Variants in TANC2 observed in about 807,000 individuals in gnomAD.
TANC2 encodes the protein tetratricopeptide repeat, ankyrin repeat and coiled-coil containing 2.
TANC2 carries 26 observed loss-of-function variants against 210.5 expected under a neutral mutation model. The ratio of observed to expected loss-of-function variants is 0.12; its 90% confidence interval spans 0.09 to 0.17. The LOEUF is 0.17. TANC2 is among the 10% of genes least tolerant of loss of function. The pLI is 1.00. For missense variants in TANC2, 2,129 were observed against 2,608.9 expected (o/e 0.82, Z 4.01); for synonymous variants, 931 against 967.1 (o/e 0.96, Z 0.69).
chr17:63,298,345 A>G (rs1598801253), intron 9 of TANC2, among the ~76,000 whole-genome samples: 1 of 152,212 alleles, frequency 6.6e-6, no homozygotes, highest in South Asian at 2.1e-4. Flanking sequence ...GTATATATGT[A>G]CAATGTATAT....
intron 5 of TANC2, among the ~76,000 whole-genome samples, chr17:63,187,131 C>T (rs1308629444): frequency 6.6e-6 from 1 of 152,082 alleles, no homozygotes; most frequent in Non-Finnish European, 1.5e-5. Context: ...GAGTTTTGAG[C>T]AAATTCAGTG....
intron 14 of TANC2, among the ~76,000 whole-genome samples, chr17:63,371,164 A>G (rs1840582648): frequency 6.6e-6 from 1 of 152,010 alleles, no homozygotes; most frequent in Admixed American, 6.6e-5. Context: ...TGACCCTCAC[A>G]CAGAATATCA....
chr17:63,143,957 A>T (rs1480009467), intron 4 of TANC2, among the ~76,000 whole-genome samples: 3 of 152,148 alleles, frequency 2.0e-5, no homozygotes, highest in Non-Finnish European at 4.4e-5. Context: ...GTTTGAAACC[A>T]GCCTGAACAA....
chr17:63,211,640 A>ATCTG (rs1037682708), intron 7 of TANC2, among the ~76,000 whole-genome samples: 1 of 152,114 alleles, frequency 6.6e-6, no homozygotes, highest in Non-Finnish European at 1.5e-5. Context: ...ACCTGTGCCT[A>ATCTG]TCTGTATTAT....
intron 1 of TANC2, among the ~76,000 whole-genome samples, chr17:62,997,376 A>AGT (rs957492989): frequency 5.3e-5 from 8 of 152,120 alleles, no homozygotes; most frequent in African/African-American, 1.4e-4. Flanking sequence ...TAAATGCATT[A>AGT]GTGTGTGTGT....
At chr17:63,019,826 T>C (rs1396884829) in intron 2 of TANC2, among the ~76,000 whole-genome samples, 1 of 152,114 alleles carries the variant, frequency 6.6e-6, no homozygotes, top group African/African-American at 2.4e-5. Context: ...GATGTATGTG[T>C]GTGTGTGTGT....
chr17:63,206,722 A>T (rs2041724047), intron 7 of TANC2, among the ~76,000 whole-genome samples: 1 of 152,126 alleles, frequency 6.6e-6, no homozygotes, highest in African/African-American at 2.4e-5. Context: ...AGTTGGTGGG[A>T]TGTGGAAATA....
chr17:63,331,257 A>G (rs2045830364), intron 11 of TANC2, among the ~76,000 whole-genome samples: 1 of 152,262 alleles, frequency 6.6e-6, no homozygotes, highest in Non-Finnish European at 1.5e-5. Context: ...TGATATATAA[A>G]TAACATTGTG....
chr17:63,174,930 A>T (rs1032549990), intron 5 of TANC2, among the ~76,000 whole-genome samples: 3 of 152,206 alleles, frequency 2.0e-5, no homozygotes, highest in Non-Finnish European at 4.4e-5. Context: ...GCAAAATTTG[A>T]TCAAGACTTG....
At chr17:63,279,616 A>G (rs1416999616) in intron 9 of TANC2, among the ~76,000 whole-genome samples, 1 of 152,078 alleles carries the variant, frequency 6.6e-6, no homozygotes, top group Non-Finnish European at 1.5e-5. Context: ...AAACTCCTGA[A>G]ACCCCATGCT....
At chr17:62,968,932 T>A (rs1012529311) in intron 1 of TANC2, among the ~76,000 whole-genome samples, 12 of 152,170 alleles carry the variant, frequency 7.9e-5, no homozygotes, top group African/African-American at 2.9e-4. Context: ...ATTCTTCCCT[T>A]ATTGTATGCA....
intron 14 of TANC2, among the ~76,000 whole-genome samples, chr17:63,371,165 C>T (rs1027317725): frequency 6.6e-5 from 10 of 151,964 alleles, no homozygotes; most frequent in Non-Finnish European, 1.5e-4. Context: ...GACCCTCACA[C>T]AGAATATCAA....
chr17:63,162,805 A>C (rs1224121595), intron 5 of TANC2, among the ~76,000 whole-genome samples: 2 of 152,052 alleles, frequency 1.3e-5, no homozygotes, highest in Admixed American at 1.3e-4. Context: ...GATTTGAAGA[A>C]AGAGAAGAAG....
chr17:63,252,384 C>G (rs1170692826), intron 8 of TANC2, among the ~76,000 whole-genome samples: 1 of 151,912 alleles, frequency 6.6e-6, no homozygotes, highest in East Asian at 1.9e-4. Context: ...CAACTATTCT[C>G]TTTTAGTTAT....
intron 1 of TANC2, among the ~76,000 whole-genome samples, chr17:62,991,185 G>T (rs2032842152): frequency 6.6e-6 from 1 of 152,078 alleles, no homozygotes; most frequent in Non-Finnish European, 1.5e-5. Context: ...TCATTTTCTT[G>T]TGGGAAAAAT....
At chr17:63,062,557 T>A (rs191495196) in intron 2 of TANC2, among the ~76,000 whole-genome samples, 7 of 152,280 alleles carry the variant, frequency 4.6e-5, no homozygotes, top group Admixed American at 4.6e-4. Context: ...CATTGTCAGC[T>A]GGTGTTATCA....
intron 1 of TANC2, among the ~76,000 whole-genome samples, chr17:62,999,097 G>A (rs750932609): frequency 3.3e-5 from 5 of 152,170 alleles, no homozygotes; most frequent in Admixed American, 1.3e-4. Context: ...CCTTGTGGGA[G>A]GTATTTGGGT....
At chr17:63,408,066 C>T (rs1411562772) in intron 21 of TANC2, among the ~76,000 whole-genome samples, 1 of 152,178 alleles carries the variant, frequency 6.6e-6, no homozygotes, top group Non-Finnish European at 1.5e-5. Flanking sequence ...GCTTTAAAAA[C>T]AATCACTCTG....
intron 4 of TANC2, among the ~76,000 whole-genome samples, chr17:63,112,913 T>TC (rs2038106535): frequency 6.6e-6 from 1 of 152,164 alleles, no homozygotes; most frequent in Non-Finnish European, 1.5e-5. Flanking sequence ...TCTGTGACCT[T>TC]CCCCAGAAAA....
Sources: allele counts gnomAD v4.1 joint callset (sites outside exome capture counted in the v4.1 genomes callset), GRCh38; gene constraint gnomAD v4.1.1; transcripts MANE v1.5; gene names NCBI Gene and HGNC (gene_info 2026-07-23, HGNC 2026-07-21).